Variants in TULP4 observed in about 807,000 individuals in gnomAD.
TULP4 encodes the protein tubby-related protein 4.
TULP4 carries 16 observed loss-of-function variants against 129.0 expected under a neutral mutation model. The observed-to-expected ratio is 0.12, with a 90% CI of 0.08 to 0.19. TULP4 has a LOEUF of 0.19. Ranked by LOEUF, TULP4 falls within the 10% of genes least tolerant of loss-of-function variation. The pLI, the probability that TULP4 is intolerant of heterozygous loss-of-function variation, is 1.00. For synonymous variants in TULP4, 998 were observed against 854.0 expected, an observed-to-expected ratio of 1.17 and a Z score of -2.94; for missense variants, 1,842 against 2,059.1, an observed-to-expected ratio of 0.89 and a Z score of 2.04.
intron 5 of TULP4, 137 bp from the exon 6 acceptor site, chr6:158,461,426 A>AAC: frequency 4.1e-6 from 3 of 733,802 alleles, no homozygotes; most frequent in African/African-American, 5.1e-5. Context: ...AAAAAAAAAA[A>AAC]GGAAAAAACC....
upstream of TULP4, among the ~76,000 whole-genome samples, chr6:158,311,201 CT>C (rs1201907545): frequency 6.6e-6 from 1 of 152,184 alleles, no homozygotes; most frequent in Non-Finnish European, 1.5e-5. Flanking sequence ...GCATTAGCAT[CT>C]CTTGGGAGCT....
intron 1 of TULP4, among the ~76,000 whole-genome samples, chr6:158,305,341 G>GTT (rs1779201594): frequency 6.7e-6 from 1 of 150,294 alleles, no homozygotes; most frequent in African/African-American, 2.5e-5. Context: ...GTGTGTGTGT[G>GTT]TGTGTGTGTG....
At chr6:158,237,723 A>C (rs111726745) in intron 1 of TULP4, 2 of 922,612 alleles carry the variant, frequency 2.2e-6, no homozygotes, top group Non-Finnish European at 3.6e-6. Flanking sequence ...TTGGTTGACT[A>C]TCTCTAGTAA....
rs140886476 is a variant in TULP4 at position 158,438,566 on chromosome 6, A to AGTTTGTTT, written c.543+8699_543+8706dup. ...TTGCTTTCTCAGCTAAAAACACCAC[A>AGTTTGTTT]GTTTGTTTGTTTGTTTGTTTGTTTG... On this transcript the variant is annotated intron_variant, in intron 3 of 13. Coordinates refer to ENST00000367097, the MANE Select transcript of TULP4 (RefSeq NM_020245.5). Among the ~76,000 whole-genome samples, 866 of 141,900 alleles carry AGTTTGTTT rather than the reference A, an allele frequency of 6.1e-3. 5 individuals are homozygous for AGTTTGTTT. Among genetic ancestry groups the AGTTTGTTT allele is most frequent in the South Asian group, 8.9e-3 (41 of 4,604 alleles). The allele number at this position is 141,900 out of a possible 152,430, so 93.1% of individuals were successfully genotyped here. A position where few individuals can be genotyped will look rare whatever the true frequency, so the allele number is the denominator to read the frequency against.
upstream of TULP4, among the ~76,000 whole-genome samples, chr6:158,309,970 A>G (rs1779313567): frequency 6.7e-6 from 1 of 148,686 alleles, no homozygotes. Context: ...TTCAACAACA[A>G]ATTCTGTTAG....
chr6:158,459,433 A>AG (rs1219226115), intron 5 of TULP4, among the ~76,000 whole-genome samples: 4 of 151,324 alleles, frequency 2.6e-5, no homozygotes, highest in African/African-American at 9.7e-5. Flanking sequence ...TCTGTCTCAA[A>AG]AAAAAAAAAA....
intron 1 of TULP4, among the ~76,000 whole-genome samples, chr6:158,393,560 A>G (rs1299673767): frequency 2.0e-5 from 3 of 152,204 alleles, no homozygotes; most frequent in Non-Finnish European, 2.9e-5. Context: ...CCAGACCTCA[A>G]CTATTGCCTT....
intron 6 of TULP4, among the ~76,000 whole-genome samples, chr6:158,477,591 C>T (rs994720763): frequency 2.6e-5 from 4 of 152,104 alleles, no homozygotes; most frequent in African/African-American, 9.7e-5. Context: ...TCAGAATGGC[C>T]ATTATTAAAA....
At chr6:158,462,254 T>C (rs1411112938) in intron 6 of TULP4, among the ~76,000 whole-genome samples, 1 of 152,142 alleles carries the variant, frequency 6.6e-6, no homozygotes, top group Non-Finnish European at 1.5e-5. Context: ...AAGGGTGATA[T>C]TCATTCTGCA....
In TULP4 at chr6:158,479,768, C is replaced by A. The variant is rs771695589; in HGVS notation, c.1044C>A (p.Ile348=). The change falls in exon 7 of 14, where the codon ATC becomes ATA. Residue 348 remains isoleucine (I), a synonymous_variant. Coordinates refer to ENST00000367097, the MANE Select transcript of TULP4 (RefSeq NM_020245.5). ...DTLVQRPIIS[I]CWGHRDSRLL... ...CCTGCCAGCGCCCCATCATCTCCAT[C>A]TGCTGGGGTCACCGGGATTCGAGGC... 1.2e-6 allele frequency: 2 copies of A among 1,613,832 alleles called. No individual in the cohort carries two copies. The highest frequency in any genetic ancestry group is 3.3e-5 in the Admixed American group (2 of 60,022).
Position 158,511,749 on chromosome 6 carries a change from TCTC to T in TULP4, c.*5058_*5060del, listed in dbSNP as rs1486293639. 1 of 152,254 alleles carries T rather than the reference TCTC, an allele frequency of 6.6e-6. No individual in the cohort carries two copies. Among genetic ancestry groups the T allele is most frequent in the African/African-American group, 2.4e-5 (1 of 41,462 alleles). The allele number at this position is 152,254 out of a possible 1,614,324, so 9.4% of individuals were successfully genotyped here. A position where few individuals can be genotyped will look rare whatever the true frequency, so the allele number is the denominator to read the frequency against. ...TGTCTTTATTACTGAGACGGATTAA[TCTC>T]CTTATTTTTTTCTTGATGATTTGAA... On this transcript the variant is annotated 3_prime_UTR_variant, in exon 14 of 14. Transcript: ENST00000367097.
chr6:158,266,823 C>T (rs1334100723), intron 1 of TULP4, among the ~76,000 whole-genome samples: 1 of 152,136 alleles, frequency 6.6e-6, no homozygotes, highest in Non-Finnish European at 1.5e-5. Flanking sequence ...CTAGAACCAA[C>T]CCCCATCGAT....
At chr6:158,360,334 A>C (rs1466536509) in intron 1 of TULP4, among the ~76,000 whole-genome samples, 1 of 152,118 alleles carries the variant, frequency 6.6e-6, no homozygotes, top group Admixed American at 6.5e-5. Flanking sequence ...CCAGGGCCTC[A>C]AATGGAAATG....
At chr6:158,367,864 C>G (rs1776960641) in intron 1 of TULP4, among the ~76,000 whole-genome samples, 1 of 150,528 alleles carries the variant, frequency 6.6e-6, no homozygotes, top group Non-Finnish European at 1.5e-5. Flanking sequence ...ACTTCAGGAA[C>G]TGCAGGAGTT....
At chr6:158,391,674 G>A (rs746008576) in intron 1 of TULP4, among the ~76,000 whole-genome samples, 2 of 152,162 alleles carry the variant, frequency 1.3e-5, no homozygotes, top group African/African-American at 2.4e-5. Flanking sequence ...GAATAGGGAC[G>A]GGCTACTTTG....
At chr6:158,384,850 A>G (rs1777404991) in intron 1 of TULP4, among the ~76,000 whole-genome samples, 1 of 152,194 alleles carries the variant, frequency 6.6e-6, no homozygotes. Context: ...GGTTCAGAGG[A>G]TAGTGTGAAG....
intron 1 of TULP4, among the ~76,000 whole-genome samples, chr6:158,376,894 G>A (rs1777203630): frequency 6.6e-6 from 1 of 152,242 alleles, no homozygotes; most frequent in Admixed American, 6.5e-5. Flanking sequence ...ACTCAGGGCA[G>A]CTGTCTCTGA....
intron 1 of TULP4, among the ~76,000 whole-genome samples, chr6:158,338,077 G>A (rs6930445): frequency 0.86 from 131,012 of 152,134 alleles, 56,840 homozygotes; most frequent in South Asian, 0.93. Flanking sequence ...CAAGTTACTG[G>A]TCTCTATGGT....
chr6:158,309,220 G>C (rs1271799368), upstream of TULP4, among the ~76,000 whole-genome samples: 2 of 103,884 alleles, frequency 1.9e-5, no homozygotes, highest in Non-Finnish European at 4.2e-5. Context: ...CAGACGGGAC[G>C]GCCGGGCAGA....
Sources: allele counts gnomAD v4.1 joint callset (sites outside exome capture counted in the v4.1 genomes callset), GRCh38; gene constraint gnomAD v4.1.1; transcripts MANE v1.5; gene names NCBI Gene and HGNC (gene_info 2026-07-23, HGNC 2026-07-21).